RABGAP1L: variants seen among roughly 807,000 people sequenced by gnomAD.
The protein encoded by RABGAP1L is RAB GTPase activating protein 1 like.
In RABGAP1L, 63 loss-of-function variants were observed where a neutral mutation model predicts 137.7. The observed-to-expected ratio is 0.46, with a 90% CI of 0.37 to 0.56. The LOEUF (loss-of-function observed/expected upper bound fraction) is 0.56, where lower values mean the gene tolerates loss of function less well. Ranked by LOEUF, RABGAP1L falls within the 20% of genes least tolerant of loss-of-function variation. RABGAP1L has a pLI of 0.00. For missense variants in RABGAP1L, 1,095 were observed against 1,244.0 expected (o/e 0.88, Z 1.80); for synonymous variants, 431 against 433.7 (o/e 0.99, Z 0.08).
At chr1:174,703,564 T>C (rs909234795) in intron 17 of RABGAP1L, among the ~76,000 whole-genome samples, 5 of 152,170 alleles carry the variant, frequency 3.3e-5, no homozygotes, top group Non-Finnish European at 7.4e-5. Flanking sequence ...TGCACGAATC[T>C]TTTTTTATAC....
intron 1 of RABGAP1L, among the ~76,000 whole-genome samples, chr1:174,212,571 A>G (rs1668978059): frequency 6.6e-6 from 1 of 152,136 alleles, no homozygotes; most frequent in Non-Finnish European, 1.5e-5. Flanking sequence ...TATTACTGTA[A>G]GTGCCTACAT....
At chr1:174,647,488 T>C (rs1675070639) in intron 14 of RABGAP1L, among the ~76,000 whole-genome samples, 1 of 152,180 alleles carries the variant, frequency 6.6e-6, no homozygotes, top group African/African-American at 2.4e-5. Flanking sequence ...TCATTGGTTC[T>C]GTTTATGTGT....
chr1:174,565,064 T>C (rs1406042400), intron 13 of RABGAP1L, among the ~76,000 whole-genome samples: 1 of 152,242 alleles, frequency 6.6e-6, no homozygotes, highest in Non-Finnish European at 1.5e-5. Flanking sequence ...TTATTGAGTA[T>C]GCAGGCAGTA....
chr1:174,222,512 A>T (rs1008052150), intron 3 of RABGAP1L, among the ~76,000 whole-genome samples: 4 of 152,260 alleles, frequency 2.6e-5, no homozygotes, highest in Admixed American at 6.5e-5. Flanking sequence ...GTATCAGTAG[A>T]TAAAGAACAA....
chr1:174,188,861 C>T (rs192633665), intron 1 of RABGAP1L, among the ~76,000 whole-genome samples: 2 of 152,134 alleles, frequency 1.3e-5, no homozygotes, highest in African/African-American at 2.4e-5. Context: ...TTTTAAGGGC[C>T]GTATGATTTT....
At chr1:174,172,828 T>C (rs1329517664) in intron 1 of RABGAP1L, among the ~76,000 whole-genome samples, 1 of 152,208 alleles carries the variant, frequency 6.6e-6, no homozygotes, top group African/African-American at 2.4e-5. Context: ...TTTTGTTGTT[T>C]GTTTTGGAGA....
chr1:174,866,867 C>T (rs1012224456), intron 19 of RABGAP1L, among the ~76,000 whole-genome samples: 2 of 151,920 alleles, frequency 1.3e-5, no homozygotes, highest in East Asian at 1.9e-4. Context: ...GAGCTGTGAT[C>T]GTGCCACTGC....
rs1671829136 is a variant in RABGAP1L at position 174,616,111 on chromosome 1, C to A, written c.1711-21264C>A. Among the ~76,000 whole-genome samples, 6 of 152,350 alleles carry A rather than the reference C, an allele frequency of 3.9e-5. No individual in the cohort carries two copies. In the South Asian group the frequency reaches 1.2e-3, roughly 32 times the overall value. ...TGTCCTGTGCCCACTGTCTGGCACT[C>A]CCTAGTGCATGAACCTGGTACCTCA... is the stretch of plus-strand genomic sequence containing the variant. On this transcript the variant is annotated intron_variant, in intron 13 of 25. Coordinates refer to ENST00000681986, the MANE Select transcript of RABGAP1L (RefSeq NM_001366446.1).
intron 7 of RABGAP1L, among the ~76,000 whole-genome samples, chr1:174,261,265 T>G (rs1673557355): frequency 1.3e-5 from 2 of 152,212 alleles, no homozygotes; most frequent in African/African-American, 4.8e-5. Context: ...GAGCCACTTC[T>G]ATCTCACATT....
At chr1:174,196,887 A>G (rs549953178) in intron 1 of RABGAP1L, among the ~76,000 whole-genome samples, 4 of 152,096 alleles carry the variant, frequency 2.6e-5, no homozygotes, top group Admixed American at 6.5e-5. Flanking sequence ...GCTCATTTTT[A>G]TAAGTGGGAG....
chr1:174,644,503 G>T (rs184647458), intron 14 of RABGAP1L, among the ~76,000 whole-genome samples: 1 of 151,506 alleles, frequency 6.6e-6, no homozygotes, highest in East Asian at 1.9e-4. Context: ...ACTCTTTCAG[G>T]AGGAAAAGGA....
chr1:174,692,741 A>G (rs947024904), intron 15 of RABGAP1L, among the ~76,000 whole-genome samples: 2 of 152,150 alleles, frequency 1.3e-5, no homozygotes, highest in African/African-American at 4.8e-5. Flanking sequence ...AATGTATAAG[A>G]CAGAGTCTCT....
At chr1:174,934,288 ATGT>A (rs969882931) in intron 19 of RABGAP1L, among the ~76,000 whole-genome samples, 1 of 152,008 alleles carries the variant, frequency 6.6e-6, no homozygotes, top group Non-Finnish European at 1.5e-5. Context: ...GGGTTTCACC[ATGT>A]AGGTCAGGCT....
At chr1:174,923,664 T>C (rs1662181029) in intron 19 of RABGAP1L, among the ~76,000 whole-genome samples, 1 of 151,630 alleles carries the variant, frequency 6.6e-6, no homozygotes, top group East Asian at 2.0e-4. Flanking sequence ...GGTGGATCAC[T>C]TGAGGTCAGG....
chr1:174,516,120 T>TACACACACACACACAC lies in RABGAP1L; in HGVS notation c.1711-121224_1711-121209dup, dbSNP rs61414923. ...AGTCAAGGGATGAAAACTGAAGCTC[T>TACACACACACACACAC]ACACACACACACACACACACACACA... is the stretch of plus-strand genomic sequence containing the variant. On this transcript the variant is annotated intron_variant, in intron 13 of 25. Coordinates refer to ENST00000681986, the MANE Select transcript of RABGAP1L (RefSeq NM_001366446.1). 1.1e-3 allele frequency among the ~76,000 whole-genome samples: 151 copies of TACACACACACACACAC among 133,304 alleles called. 1 individual carries two copies. Among genetic ancestry groups the TACACACACACACACAC allele is most frequent in the Middle Eastern group, 3.7e-3 (1 of 270 alleles). The allele number at this position is 133,304 out of a possible 152,430, so 87.5% of individuals were successfully genotyped here. A position where few individuals can be genotyped will look rare whatever the true frequency, so the allele number is the denominator to read the frequency against.
At chr1:174,872,458 G>A (rs1652359540) in intron 19 of RABGAP1L, among the ~76,000 whole-genome samples, 1 of 151,860 alleles carries the variant, frequency 6.6e-6, no homozygotes, top group South Asian at 2.1e-4. Context: ...TAGAGCACAT[G>A]GGCTTTGTAA....
intron 19 of RABGAP1L, among the ~76,000 whole-genome samples, chr1:174,953,324 C>T (rs1443592854): frequency 6.6e-6 from 1 of 152,174 alleles, no homozygotes; most frequent in African/African-American, 2.4e-5. Context: ...TTTCAGTCTT[C>T]CCCTCCCATA....
At chr1:174,510,891 T>C (rs1662273663) in intron 13 of RABGAP1L, among the ~76,000 whole-genome samples, 1 of 152,230 alleles carries the variant, frequency 6.6e-6, no homozygotes, top group South Asian at 2.1e-4. Flanking sequence ...ACTAATTTGG[T>C]TGTTTTTCAG....
chr1:174,808,897 TC>T (rs1335804137), intron 18 of RABGAP1L, among the ~76,000 whole-genome samples: 1 of 152,076 alleles, frequency 6.6e-6, no homozygotes, highest in African/African-American at 2.4e-5. Context: ...CCTCAAGTGA[TC>T]CACCCGCCTC....
Sources: gnomAD v4.1 joint callset for allele counts (sites outside exome capture counted in the v4.1 genomes callset) on GRCh38, gnomAD v4.1.1 for gene constraint, MANE v1.5 for transcripts, NCBI Gene and HGNC (gene_info 2026-07-23, HGNC 2026-07-21) for gene names.